Variants in CADM3 observed in about 807,000 individuals in gnomAD.
CADM3 encodes cell adhesion molecule 3.
Under a neutral mutation model 44.9 loss-of-function variants are expected in CADM3, and 11 were observed. The ratio of observed to expected loss-of-function variants is 0.25; its 90% CI spans 0.15 to 0.41. The LOEUF (loss-of-function observed/expected upper bound fraction) is 0.41, where lower values mean the gene tolerates loss of function less well. Among genes scored for constraint, CADM3 ranks in the 10% least tolerant of loss-of-function variants. CADM3 has a pLI of 1.00. For missense variants in CADM3, 426 were observed against 512.0 expected (o/e 0.83, Z 1.62); for synonymous variants, 207 against 205.2 (o/e 1.01, Z -0.08).
chr1:159,196,591 G>T lies in CADM3; in HGVS notation c.782+137G>T, dbSNP rs557425492. On this transcript the variant is annotated intron_variant, in intron 6 of 8. Coordinates refer to ENST00000368125, the MANE Select transcript of CADM3 (RefSeq NM_001127173.3). Reference sequence around the variant, plus strand: ...TTTCCCTGACTGTCCAATAATGTCCGCCTGCAATTAGTTCTTCTGCAAAGC... The same window carrying T: ...TTTCCCTGACTGTCCAATAATGTCCTCCTGCAATTAGTTCTTCTGCAAAGC... 5.6e-5 allele frequency: 41 copies of T among 731,156 alleles called. No homozygotes were observed. In the East Asian group the frequency reaches 5.7e-4, roughly 10 times the overall value. 45.3% of individuals were successfully genotyped at this position (731,156 alleles called of 1,614,324 possible). A position where few individuals can be genotyped will look rare whatever the true frequency, so the allele number is the denominator to read the frequency against.
chr1:159,174,730 T>G (rs1006016830), intron 1 of CADM3, among the ~76,000 whole-genome samples: 5 of 152,184 alleles, frequency 3.3e-5, no homozygotes, highest in African/African-American at 9.7e-5. Context: ...CCATCTGCCC[T>G]TCCTTCTCAC....
chr1:159,184,920 A>T (rs927589242), intron 1 of CADM3, among the ~76,000 whole-genome samples: 5 of 152,218 alleles, frequency 3.3e-5, no homozygotes, highest in African/African-American at 4.8e-5. Context: ...ATAAGAAGAA[A>T]ATCAGTGGGT....
At chr1:159,177,397 C>A (rs760748948) in intron 1 of CADM3, among the ~76,000 whole-genome samples, 2 of 152,150 alleles carry the variant, frequency 1.3e-5, no homozygotes, top group Admixed American at 1.3e-4. Flanking sequence ...TGCCTTACCC[C>A]GTGATCCCAG....
chr1:159,191,890 A>T, intron 1 of CADM3, 46 bp from the exon 2 acceptor site: 1 of 1,610,898 alleles, frequency 6.2e-7, no homozygotes, highest in Non-Finnish European at 8.5e-7. Flanking sequence ...AAATGGGAGG[A>T]GGGGCTAGGG....
intron 1 of CADM3, among the ~76,000 whole-genome samples, chr1:159,185,830 C>G (rs193178564): frequency 1.3e-5 from 2 of 152,082 alleles, no homozygotes; most frequent in African/African-American, 4.8e-5. Context: ...TATTAAGCAC[C>G]TTCTATAAGC....
In CADM3 at chr1:159,193,909, C is replaced by A; in HGVS notation, c.560C>A (p.Thr187Asn). 1.9e-6 allele frequency: 3 copies of A among 1,614,168 alleles called. No individual in the cohort carries two copies. Among genetic ancestry groups the A allele is most frequent in the Non-Finnish European group, 2.5e-6 (3 of 1,180,034 alleles). ...ATACAGGAAGATCCCAATGGTAAAA[C>A]CTTCACTGTCAGCAGCTCGGTGACA... ...TRIQEDPNGK[T>N]FTVSSSVTFQ... Residue 187 changes from threonine (T) to asparagine (N), a missense_variant, in exon 5 of 9, where the codon ACC (threonine) becomes AAC (asparagine). Thr to Asn is a moderately conservative substitution (Grantham distance 65). Coordinates refer to ENST00000368125, the MANE Select transcript of CADM3 (RefSeq NM_001127173.3).
chr1:159,199,773 C>T lies in CADM3; in HGVS notation c.975C>T (p.Ser325=), dbSNP rs781751260. The change falls in exon 8 of 9, where the codon TCC becomes TCT. Residue 325 remains serine (S), a synonymous_variant. Transcript: ENST00000368125. ...NVNDPSPVPS[S]SSTYHAIIGG... ...CAGACCCCAGTCCGGTGCCCTCCTCCTCCAGCACCTACCACGCCATCATCG... is the reference window on the plus strand; with the variant it reads ...CAGACCCCAGTCCGGTGCCCTCCTCTTCCAGCACCTACCACGCCATCATCG... 4.3e-6 allele frequency: 7 copies of T among 1,614,006 alleles called. No individual in the cohort carries two copies. In the Admixed American group the frequency reaches 5.0e-5, roughly 12 times the overall value.
intron 7 of CADM3, chr1:159,197,983 A>G (rs1292366292): frequency 6.6e-6 from 1 of 152,238 alleles, no homozygotes; most frequent in African/African-American, 2.4e-5. Flanking sequence ...AAGAGCAAGG[A>G]CAATGCACTG....
intron 7 of CADM3, 191 bp downstream of exon 7, chr1:159,197,251 GA>G (rs1301039102): frequency 7.1e-6 from 4 of 561,378 alleles, no homozygotes; most frequent in Non-Finnish European, 1.3e-5. Context: ...GCCGCTTAGT[GA>G]AAAAACATTA....
chr1:159,175,925 TCTTGATGTTACTA>T (rs1226132238), intron 1 of CADM3, among the ~76,000 whole-genome samples: 1 of 152,252 alleles, frequency 6.6e-6, no homozygotes, highest in Non-Finnish European at 1.5e-5. Flanking sequence ...TTTTGGTACT[TCTTGATGTTACTA>T]CTTTCTTGCA....
At chr1:159,186,074 T>C (rs948737773) in intron 1 of CADM3, among the ~76,000 whole-genome samples, 2 of 152,188 alleles carry the variant, frequency 1.3e-5, no homozygotes, top group Non-Finnish European at 2.9e-5. Context: ...TATTCATAGA[T>C]AAAGTTTAGA....
intron 1 of CADM3, among the ~76,000 whole-genome samples, chr1:159,189,189 T>A (rs1208682964): frequency 1.3e-5 from 2 of 152,226 alleles, no homozygotes; most frequent in East Asian, 3.9e-4. Context: ...TTTCTAGTCT[T>A]CATCTCCTAT....
chr1:159,175,861 T>G (rs765187570), intron 1 of CADM3, among the ~76,000 whole-genome samples: 1 of 152,258 alleles, frequency 6.6e-6, no homozygotes, highest in Non-Finnish European at 1.5e-5. Context: ...TCTGGTTACT[T>G]TGAAATAACA....
intron 1 of CADM3, among the ~76,000 whole-genome samples, chr1:159,185,239 A>G (rs992375555): frequency 2.6e-5 from 4 of 152,236 alleles, no homozygotes; most frequent in African/African-American, 9.6e-5. Context: ...TTCAATGGGT[A>G]CAAACCACAG....
chr1:159,183,876 G>A (rs1171472893), intron 1 of CADM3, among the ~76,000 whole-genome samples: 2 of 152,170 alleles, frequency 1.3e-5, no homozygotes, highest in Non-Finnish European at 2.9e-5. Flanking sequence ...CTTAGATTAG[G>A]AAATTACAAA....
intron 1 of CADM3, among the ~76,000 whole-genome samples, chr1:159,180,793 A>T (rs1649204090): frequency 6.6e-6 from 1 of 152,200 alleles, no homozygotes; most frequent in South Asian, 2.1e-4. Context: ...AATCAGAACC[A>T]GCAGAGATGA....
At chr1:159,174,634 A>C (rs1041740884) in intron 1 of CADM3, among the ~76,000 whole-genome samples, 2 of 152,190 alleles carry the variant, frequency 1.3e-5, no homozygotes, top group Non-Finnish European at 2.9e-5. Flanking sequence ...CTGAACAGGG[A>C]TTGAGAGGGC....
In CADM3 at chr1:159,171,640, C is replaced by A; in HGVS notation, c.-126C>A. The A allele has an allele frequency of 1.7e-6, 1 of 605,568 alleles. No homozygotes were observed. Among genetic ancestry groups the A allele is most frequent in the Non-Finnish European group, 2.4e-6 (1 of 416,528 alleles). The allele number at this position is 605,568 out of a possible 1,614,324, so 37.5% of individuals were successfully genotyped here. ...GGCTCCCTCCCGGTCCCCACCTCGGCCCCGGGCTCCGAAGCGGCTCGGGGG... is the reference window on the plus strand; with the variant it reads ...GGCTCCCTCCCGGTCCCCACCTCGGACCCGGGCTCCGAAGCGGCTCGGGGG... On this transcript the variant is annotated 5_prime_UTR_variant, in exon 1 of 9. Transcript: ENST00000368125.
intron 1 of CADM3, among the ~76,000 whole-genome samples, chr1:159,183,829 T>C (rs1489332911): frequency 1.3e-5 from 2 of 151,896 alleles, no homozygotes; most frequent in Non-Finnish European, 2.9e-5. Flanking sequence ...GAATGGAGGG[T>C]AGGAAGTAAG....
Sources: gnomAD v4.1 joint callset for allele counts (sites outside exome capture counted in the v4.1 genomes callset) on GRCh38, gnomAD v4.1.1 for gene constraint, MANE v1.5 for transcripts, NCBI Gene and HGNC (gene_info 2026-07-23, HGNC 2026-07-21) for gene names.